DSCAM: variants seen among roughly 807,000 people sequenced by gnomAD.
DSCAM encodes DS cell adhesion molecule.
A neutral mutation model predicts 217.7 loss-of-function variants in DSCAM; 47 were observed. The observed-to-expected ratio is 0.22, with a 90% CI of 0.17 to 0.28. DSCAM has a LOEUF of 0.28. Among genes scored for constraint, DSCAM ranks in the 10% least tolerant of loss-of-function variants. The pLI is 1.00. For missense variants in DSCAM, 2,080 were observed against 2,618.3 expected (o/e 0.79, Z 4.49); for synonymous variants, 1,056 against 1,015.3 (o/e 1.04, Z -0.76).
intron 32 of DSCAM, among the ~76,000 whole-genome samples, chr21:40,030,942 T>G (rs2088510898): frequency 6.6e-6 from 1 of 152,032 alleles, no homozygotes; most frequent in South Asian, 2.1e-4. Context: ...CCTGCAACCA[T>G]CCTCCTGCCA....
At chr21:40,227,660 C>A (rs1423171266) in intron 11 of DSCAM, among the ~76,000 whole-genome samples, 1 of 152,064 alleles carries the variant, frequency 6.6e-6, no homozygotes, top group African/African-American at 2.4e-5. Context: ...GATACCTGCT[C>A]TTCTATTTGG....
intron 32 of DSCAM, among the ~76,000 whole-genome samples, chr21:40,022,966 C>T (rs955838319): frequency 6.6e-6 from 1 of 151,944 alleles, no homozygotes; most frequent in Non-Finnish European, 1.5e-5. Context: ...TGGTGTGCTG[C>T]ACCCATTAAC....
chr21:40,148,622 C>T (rs1472273759), intron 16 of DSCAM, among the ~76,000 whole-genome samples: 1 of 152,078 alleles, frequency 6.6e-6, no homozygotes, highest in Non-Finnish European at 1.5e-5. Flanking sequence ...ATGACCACCA[C>T]CACCAATCAA....
At chr21:40,457,647 T>A (rs530098147) in intron 3 of DSCAM, among the ~76,000 whole-genome samples, 2 of 152,180 alleles carry the variant, frequency 1.3e-5, no homozygotes, top group Admixed American at 6.5e-5. Flanking sequence ...AAAGAAATAT[T>A]GCACACACTT....
intron 11 of DSCAM, among the ~76,000 whole-genome samples, chr21:40,267,586 T>A (rs146815713): frequency 2.0e-5 from 3 of 152,150 alleles, no homozygotes; most frequent in Admixed American, 1.3e-4. Context: ...ATGCAGCACA[T>A]AACTATATAA....
chr21:40,071,236 T>C (rs2089288695), intron 27 of DSCAM, among the ~76,000 whole-genome samples: 1 of 152,050 alleles, frequency 6.6e-6, no homozygotes, highest in Non-Finnish European at 1.5e-5. Flanking sequence ...AGGGCATCAT[T>C]AAAAGCAAAA....
chr21:40,100,435 T>G (rs1186025814), intron 20 of DSCAM, among the ~76,000 whole-genome samples: 1 of 152,214 alleles, frequency 6.6e-6, no homozygotes, highest in African/African-American at 2.4e-5. Context: ...TATATTTCAT[T>G]AATTTTCTTT....
At position 40,708,801 on chromosome 21, in the gene DSCAM, G is replaced by A. The variant is rs369414098; in HGVS notation, c.44-30C>T. 5.6e-5 allele frequency: 80 copies of A among 1,430,584 alleles called. No individual in the cohort carries two copies. In the East Asian group the frequency reaches 1.7e-3, roughly 30 times the overall value. The allele number at this position is 1,430,584 out of a possible 1,614,324, so 88.6% of individuals were successfully genotyped here. A position where few individuals can be genotyped will look rare whatever the true frequency, so the allele number is the denominator to read the frequency against. Reference sequence around the variant, plus strand: ...AAGAAGACAACACAGGGATCCATAGGTGAGTAAAACATGCCTTTGACATTT... The same window carrying A: ...AAGAAGACAACACAGGGATCCATAGATGAGTAAAACATGCCTTTGACATTT... On this transcript the variant is annotated intron_variant, in intron 1 of 32. Coordinates refer to ENST00000400454, the MANE Select transcript of DSCAM (RefSeq NM_001389.5).
chr21:40,473,182 CTT>C (rs1392497753), intron 3 of DSCAM, among the ~76,000 whole-genome samples: 6 of 152,184 alleles, frequency 3.9e-5, no homozygotes, highest in South Asian at 2.1e-4. Context: ...CGGCTCTTAA[CTT>C]TTTAAAAACT....
At chr21:40,342,624 GTGTATATA>G (rs143277162) in intron 6 of DSCAM, among the ~76,000 whole-genome samples, 4 of 77,290 alleles carry the variant, frequency 5.2e-5, no homozygotes, top group East Asian at 3.2e-4. Context: ...GTGTGTGTGT[GTGTATATA>G]TATATATATA....
At chr21:40,737,384 T>C (rs1184899896) in intron 1 of DSCAM, among the ~76,000 whole-genome samples, 1 of 152,160 alleles carries the variant, frequency 6.6e-6, no homozygotes, top group African/African-American at 2.4e-5. Flanking sequence ...ACGCCTGTAA[T>C]GCCAGCATTT....
At chr21:40,800,928 C>T (rs946638326) in intron 1 of DSCAM, among the ~76,000 whole-genome samples, 1 of 150,596 alleles carries the variant, frequency 6.6e-6, no homozygotes, top group Non-Finnish European at 1.5e-5. Context: ...GTTGGTCAGG[C>T]TGGTCTCAAA....
At chr21:40,401,709 A>G (rs577244192) in intron 3 of DSCAM, among the ~76,000 whole-genome samples, 13 of 152,246 alleles carry the variant, frequency 8.5e-5, no homozygotes, top group Admixed American at 3.3e-4. Flanking sequence ...CAAAGGATAT[A>G]AGGAGAGTAG....
chr21:40,054,499 A>G (rs539669323), intron 29 of DSCAM, among the ~76,000 whole-genome samples: 1 of 152,312 alleles, frequency 6.6e-6, no homozygotes, highest in South Asian at 2.1e-4. Context: ...CTGGTCTCTT[A>G]CCACTGCCTT....
intron 3 of DSCAM, among the ~76,000 whole-genome samples, chr21:40,512,384 C>G (rs534353450): frequency 1.3e-5 from 2 of 152,282 alleles, no homozygotes; most frequent in East Asian, 3.9e-4. Flanking sequence ...TAAATCTTAT[C>G]TCTATTACTT....
intron 1 of DSCAM, among the ~76,000 whole-genome samples, chr21:40,780,421 G>GTATATATATATATATATCTA (rs1490666344): frequency 2.1e-5 from 1 of 48,046 alleles, no homozygotes; most frequent in Non-Finnish European, 3.5e-5. Flanking sequence ...GTGTGTGTGT[G>GTATATATATATATATATCTA]TGTATATATA....
chr21:40,286,778 A>G (rs1000394223), intron 10 of DSCAM, among the ~76,000 whole-genome samples: 3 of 140,930 alleles, frequency 2.1e-5, no homozygotes, highest in Admixed American at 2.0e-4. Context: ...GTGGATCTGA[A>G]GCGTGATCTG....
intron 3 of DSCAM, among the ~76,000 whole-genome samples, chr21:40,627,237 G>T (rs1303375181): frequency 6.6e-6 from 1 of 152,200 alleles, no homozygotes; most frequent in Non-Finnish European, 1.5e-5. Flanking sequence ...AGAACTAGGA[G>T]AGGACTGAAA....
intron 3 of DSCAM, among the ~76,000 whole-genome samples, chr21:40,471,987 C>T (rs2075893048): frequency 6.6e-6 from 1 of 152,140 alleles, no homozygotes; most frequent in African/African-American, 2.4e-5. Flanking sequence ...TGTTCCCCTT[C>T]CTGTGTGCAA....
Sources: allele counts gnomAD v4.1 joint callset (sites outside exome capture counted in the v4.1 genomes callset), GRCh38; gene constraint gnomAD v4.1.1; transcripts MANE v1.5; gene names NCBI Gene and HGNC (gene_info 2026-07-23, HGNC 2026-07-21).